The following PDCD6IP variants were observed in gnomAD, a reference collection of about 807,000 sequenced individuals.
PDCD6IP encodes the protein programmed cell death 6-interacting protein.
In PDCD6IP, 43 loss-of-function variants were observed where a neutral mutation model predicts 103.7. The ratio of observed to expected loss-of-function variants is 0.41; its 90% CI spans 0.32 to 0.53. PDCD6IP has a LOEUF of 0.53. Ranked by LOEUF, PDCD6IP falls within the 20% of genes least tolerant of loss-of-function variation. The probability of loss-of-function intolerance (pLI) is 0.16; values close to 1 mark genes in which losing one functional copy is unlikely to be tolerated. For synonymous variants in PDCD6IP, 354 were observed against 378.7 expected (o/e 0.93, Z 0.76); for missense variants, 871 against 1,036.7 (o/e 0.84, Z 2.20).
Position 33,798,640 on chromosome 3 carries a change from C to A in PDCD6IP, c.-89C>A. 1 of 1,242,250 alleles carries A rather than the reference C, an allele frequency of 8.0e-7. No homozygotes were observed. 77.0% of individuals were successfully genotyped at this position (1,242,250 alleles called of 1,614,324 possible). A position where few individuals can be genotyped will look rare whatever the true frequency, so the allele number is the denominator to read the frequency against. ...GCAAGTCTGTCAGCCAGTCAGTCCG[C>A]CAGTCCGCCAGCCCAGTACCTCTCT... On this transcript the variant is annotated 5_prime_UTR_variant, in exon 1 of 18. Transcript: ENST00000307296.
At chr3:33,828,109 A>G (rs1697168773) in intron 6 of PDCD6IP, 1 of 152,200 alleles carries the variant, frequency 6.6e-6, no homozygotes, top group African/African-American at 2.4e-5. Context: ...CACCACTAGT[A>G]TAATTGCTTT....
In PDCD6IP at chr3:33,838,259, T is replaced by G. The variant is rs1209324323; in HGVS notation, c.1113T>G (p.Asn371Lys). ...VSVQQSLAAY[N>K]QRKADLVNRS... ...TACAGCAGTCTTTGGCTGCCTATAA[T>G]CAGAGGAAAGCCGATTTGGTTAACA... Residue 371 changes from asparagine (N) to lysine (K), a missense_variant, in exon 9 of 18, where the codon AAT (asparagine) becomes AAG (lysine). By Grantham distance (94) the Asn-to-Lys change is moderately conservative. Coordinates refer to ENST00000307296, the MANE Select transcript of PDCD6IP (RefSeq NM_013374.6). 6.2e-7 allele frequency: 1 copy of G among 1,613,626 alleles called. No homozygotes were observed. The highest frequency in any genetic ancestry group is 8.5e-7 in the Non-Finnish European group (1 of 1,179,528).
At chr3:33,811,701 C>T (rs368125613) in intron 1 of PDCD6IP, among the ~76,000 whole-genome samples, 4 of 152,160 alleles carry the variant, frequency 2.6e-5, no homozygotes, top group South Asian at 2.1e-4. Context: ...ATTTAAAAGT[C>T]GGTAAACCTG....
At chr3:33,826,445 T>G in intron 5 of PDCD6IP, 35 bp from the exon 6 acceptor site, 1 of 1,442,116 alleles carries the variant, frequency 6.9e-7, no homozygotes, top group Non-Finnish European at 9.6e-7. Flanking sequence ...TTAGCTCATA[T>G]TTATTTTAAT....
intron 17 of PDCD6IP, among the ~76,000 whole-genome samples, 180 bp downstream of exon 17, chr3:33,865,610 T>C (rs988780425): frequency 2.0e-5 from 3 of 152,246 alleles, no homozygotes; most frequent in African/African-American, 7.2e-5. Context: ...AGGATAGCTA[T>C]TTCCTAGGCT....
At chr3:33,835,425 C>T (rs1441813400) in intron 7 of PDCD6IP, 4 of 415,292 alleles carry the variant, frequency 9.6e-6, no homozygotes, top group African/African-American at 2.1e-5. Flanking sequence ...TAGAAATAAC[C>T]CAACAGCCAG....
At chr3:33,828,328 T>G (rs1281029586) in intron 6 of PDCD6IP, among the ~76,000 whole-genome samples, 7 of 152,172 alleles carry the variant, frequency 4.6e-5, no homozygotes, top group African/African-American at 1.4e-4. Context: ...CAGTAAGAAC[T>G]CTCTTAGGAT....
At chr3:33,864,163 T>TCG in intron 16 of PDCD6IP, 34 bp downstream of exon 16, 1 of 1,229,592 alleles carries the variant, frequency 8.1e-7, no homozygotes, top group Non-Finnish European at 1.2e-6. Context: ...AAACAGAGGT[T>TCG]TTACATTAAC....
Position 33,817,504 on chromosome 3 carries a change from A to G in PDCD6IP, c.334+3876A>G, listed in dbSNP as rs908480893. 1.1e-4 allele frequency among the ~76,000 whole-genome samples: 16 copies of G among 152,304 alleles called. No individual in the cohort carries two copies. In the Middle Eastern group the frequency reaches 0.02, roughly 194 times the overall value. On this transcript the variant is annotated intron_variant, in intron 3 of 17. Coordinates refer to ENST00000307296, the MANE Select transcript of PDCD6IP (RefSeq NM_013374.6). ...AGTGGTGGCTCGTGCCTGTAATCCC[A>G]GTACTTGGGGAGGCCAAGACAGGTG...
intron 16 of PDCD6IP, 104 bp downstream of exon 16, chr3:33,864,233 C>T (rs1463682788): frequency 1.4e-6 from 1 of 700,498 alleles, no homozygotes; most frequent in African/African-American, 1.8e-5. Context: ...TAGTGGTTAC[C>T]ACCTGCATCA....
intron 9 of PDCD6IP, among the ~76,000 whole-genome samples, chr3:33,839,241 T>A (rs913512024): frequency 6.6e-6 from 1 of 152,256 alleles, no homozygotes; most frequent in African/African-American, 2.4e-5. Context: ...CTGGCCGCTA[T>A]TGATCTGCTC....
At chr3:33,803,127 T>G (rs748849673) in intron 1 of PDCD6IP, among the ~76,000 whole-genome samples, 1 of 152,248 alleles carries the variant, frequency 6.6e-6, no homozygotes, top group Non-Finnish European at 1.5e-5. Flanking sequence ...TTTACATTTT[T>G]AAATTCTTGT....
rs1039234375 is a variant in PDCD6IP, at chr3:33,799,018, A to G, written c.209+81A>G. On this transcript the variant is annotated intron_variant, in intron 1 of 17. Transcript: ENST00000307296. ...TCTTCCCGTCTCCCCCCTTCCTTCA[A>G]TCCTGTAACCTGGGCGGAGCCGCCC... The G allele has an allele frequency of 3.9e-6, 5 of 1,287,106 alleles. No individual in the cohort carries two copies. In the South Asian group the frequency reaches 5.7e-5, roughly 15 times the overall value. The allele number at this position is 1,287,106 out of a possible 1,614,324, so 79.7% of individuals were successfully genotyped here.
At position 33,869,229 on chromosome 3, in the gene PDCD6IP, T is replaced by G. The variant is rs1177478201; in HGVS notation, c.*2704T>G. On this transcript the variant is annotated 3_prime_UTR_variant, in exon 18 of 18. Coordinates refer to ENST00000307296, the MANE Select transcript of PDCD6IP (RefSeq NM_013374.6). ...GAAACAGGATAATTTGTTAAGTGGG[T>G]TTCAGTTTGCTAATAGGGATTTTTT... is the stretch of plus-strand genomic sequence containing the variant. 1.3e-5 allele frequency: 2 copies of G among 152,304 alleles called. No homozygotes were observed. The highest frequency in any genetic ancestry group is 6.5e-5 in the Admixed American group (1 of 15,300). 9.4% of individuals were successfully genotyped at this position (152,304 alleles called of 1,614,324 possible). A position where few individuals can be genotyped will look rare whatever the true frequency, so the allele number is the denominator to read the frequency against.
In PDCD6IP at chr3:33,852,572, G is replaced by A. The variant is rs372455933; in HGVS notation, c.1726G>A (p.Val576Met). ...GGGTCTGGAGAATGACTTGAAATCT[G>A]TGAATTTTGACATGACAAGCAAGTT... ...REGLENDLKS[V>M]NFDMTSKFLT... The change falls in exon 13 of 18, where the codon GTG becomes ATG. Residue 576 changes from valine (V) to methionine (M), a missense_variant. Val to Met is a conservative substitution (Grantham distance 21). Coordinates refer to ENST00000307296, the MANE Select transcript of PDCD6IP (RefSeq NM_013374.6). 105 of 1,586,234 alleles carry A rather than the reference G, an allele frequency of 6.6e-5. No individual in the cohort carries two copies. The highest frequency in any genetic ancestry group is 8.4e-5 in the Non-Finnish European group (98 of 1,171,296).
intron 3 of PDCD6IP, among the ~76,000 whole-genome samples, chr3:33,818,253 A>T (rs1168695493): frequency 6.6e-6 from 1 of 151,110 alleles, no homozygotes; most frequent in South Asian, 2.1e-4. Context: ...GATTACAAGC[A>T]TGCACCACCA....
At chr3:33,837,237 A>G (rs975538248) in intron 8 of PDCD6IP, among the ~76,000 whole-genome samples, 2 of 152,148 alleles carry the variant, frequency 1.3e-5, no homozygotes, top group African/African-American at 4.8e-5. Context: ...TTAAACATGT[A>G]AACTTCTGGA....
chr3:33,841,806 G>A (rs1697481400), intron 9 of PDCD6IP, 91 bp from the exon 10 acceptor site: 5 of 865,820 alleles, frequency 5.8e-6, no homozygotes, highest in Non-Finnish European at 7.2e-6. Context: ...CTGTTGATTT[G>A]GTTATAGAAT....
At position 33,825,565 on chromosome 3, in the gene PDCD6IP, C is replaced by A. The variant is rs1015015967; in HGVS notation, c.616+225C>A. On this transcript the variant is annotated intron_variant, in intron 5 of 17. Coordinates refer to ENST00000307296, the MANE Select transcript of PDCD6IP (RefSeq NM_013374.6). ...CATGAAATAGATCTTTAGTAATTGTCTTTAAACACTCCATTCTGGAATAGT... is the reference window on the plus strand; with the variant it reads ...CATGAAATAGATCTTTAGTAATTGTATTTAAACACTCCATTCTGGAATAGT... 2.0e-5 allele frequency among the ~76,000 whole-genome samples: 3 copies of A among 152,112 alleles called. No individual in the cohort carries two copies. The East Asian group carries it at 5.8e-4, about 29-fold the overall frequency.
Sources: allele counts gnomAD v4.1 joint callset (sites outside exome capture counted in the v4.1 genomes callset), GRCh38; gene constraint gnomAD v4.1.1; transcripts MANE v1.5; gene names NCBI Gene and HGNC (gene_info 2026-07-23, HGNC 2026-07-21).